ANGPTL4: variants seen among roughly 807,000 people sequenced by gnomAD.
ANGPTL4 encodes the protein angiopoietin like 4.
In ANGPTL4, 39 loss-of-function variants were observed where a neutral mutation model predicts 39.2. The observed-to-expected ratio is 1.00, with a 90% confidence interval of 0.77 to 1.30. The LOEUF (loss-of-function observed/expected upper bound fraction) is 1.30, where lower values mean the gene tolerates loss of function less well. Ranked by LOEUF, ANGPTL4 falls within the 50% of genes most tolerant of loss-of-function variation. The pLI is 0.00. For missense variants in ANGPTL4, 545 were observed against 549.8 expected (o/e 0.99, Z 0.09); for synonymous variants, 233 against 229.5 (o/e 1.02, Z -0.14).
At chr19:8,366,525 C>T (rs974624626) in intron 3 of ANGPTL4, among the ~76,000 whole-genome samples, 1 of 152,212 alleles carries the variant, frequency 6.6e-6, no homozygotes, top group Non-Finnish European at 1.5e-5. Context: ...CAACCCTTCT[C>T]CTCTGCAAGC....
chr19:8,364,373 G>A lies in ANGPTL4; in HGVS notation c.52G>A (p.Ala18Thr), dbSNP rs1347337468. Residue 18 changes from alanine (A) to threonine (T), a missense_variant, in exon 1 of 7, where the codon GCC becomes ACC. By Grantham distance (58) the Ala-to-Thr change is moderately conservative. Coordinates refer to ENST00000301455, the MANE Select transcript of ANGPTL4 (RefSeq NM_139314.3). ...AGCCCTGATGCTCTGCGCCGCCACCGCCGTGCTACTGAGCGCTCAGGGCGG... is the reference window on the plus strand; with the variant it reads ...AGCCCTGATGCTCTGCGCCGCCACCACCGTGCTACTGAGCGCTCAGGGCGG... ...GAALMLCAAT[A>T]VLLSAQGGPV... 1 of 1,547,536 alleles carries A rather than the reference G, an allele frequency of 6.5e-7. No individual in the cohort carries two copies. The highest frequency in any genetic ancestry group is 8.7e-7 in the Non-Finnish European group (1 of 1,150,266).
At chr19:8,366,725 T>C (rs1971013910) in intron 3 of ANGPTL4, among the ~76,000 whole-genome samples, 1 of 151,896 alleles carries the variant, frequency 6.6e-6, no homozygotes, top group Admixed American at 6.6e-5. Flanking sequence ...TGTTTGTAGA[T>C]TTGGGCCCTC....
In ANGPTL4 at chr19:8,364,304, C is replaced by T; in HGVS notation, c.-18C>T. ...CCCCGAGAGTCCCCGAATCCCCGCT[C>T]CCAGGCTACCTAAGAGGATGAGCGG... On this transcript the variant is annotated 5_prime_UTR_variant, in exon 1 of 7. Coordinates refer to ENST00000301455, the MANE Select transcript of ANGPTL4 (RefSeq NM_139314.3). 2.6e-6 allele frequency: 4 copies of T among 1,535,846 alleles called. No homozygotes were observed. Among genetic ancestry groups the T allele is most frequent in the Non-Finnish European group, 3.5e-6 (4 of 1,144,782 alleles).
intron 3 of ANGPTL4, among the ~76,000 whole-genome samples, chr19:8,367,819 CATTT>C (rs201051543): frequency 0.021 from 3,162 of 152,250 alleles, 77 homozygotes; most frequent in African/African-American, 0.067. Flanking sequence ...TTCATTCATT[CATTT>C]GTCAAGACTG....
In ANGPTL4 at chr19:8,374,020, C is replaced by G; in HGVS notation, c.*134C>G. On this transcript the variant is annotated 3_prime_UTR_variant, in exon 7 of 7. Coordinates refer to ENST00000301455, the MANE Select transcript of ANGPTL4 (RefSeq NM_139314.3). Reference sequence around the variant, plus strand: ...GGAAACTTGTGGACAGAGAAGAAGACCACGACTGGAGAAGCCCCCTTTCTG... The same window carrying G: ...GGAAACTTGTGGACAGAGAAGAAGAGCACGACTGGAGAAGCCCCCTTTCTG... 1 of 975,608 alleles carries G rather than the reference C, an allele frequency of 1.0e-6. No individual in the cohort carries two copies. 60.4% of individuals were successfully genotyped at this position (975,608 alleles called of 1,614,324 possible). A position where few individuals can be genotyped will look rare whatever the true frequency, so the allele number is the denominator to read the frequency against.
At chr19:8,366,997 T>C (rs1971019805) in intron 3 of ANGPTL4, among the ~76,000 whole-genome samples, 1 of 151,810 alleles carries the variant, frequency 6.6e-6, no homozygotes. Flanking sequence ...GTGTGTCCGA[T>C]GCAGACTCGC....
chr19:8,369,991 T>G (rs1460556665), intron 4 of ANGPTL4, among the ~76,000 whole-genome samples: 3 of 150,780 alleles, frequency 2.0e-5, no homozygotes, highest in Non-Finnish European at 4.4e-5. Context: ...GATCACGAGG[T>G]CAGGAGTTCG....
Position 8,371,979 on chromosome 19 carries a change from C to T in ANGPTL4, c.1039+457C>T, listed in dbSNP as rs1039495013. On this transcript the variant is annotated intron_variant, in intron 6 of 6. Coordinates refer to ENST00000301455, the MANE Select transcript of ANGPTL4 (RefSeq NM_139314.3). This position sits in a 1 kb window ranked among gnomAD's most constrained non-coding sequence, Gnocchi z 5.1. ...TTCACCGTGTTAGCCAGGATGGTCTCGATCTCCTGACCTCGTGATCTGCCT... is the reference window on the plus strand; with the variant it reads ...TTCACCGTGTTAGCCAGGATGGTCTTGATCTCCTGACCTCGTGATCTGCCT... Among the ~76,000 whole-genome samples, 22 of 151,738 alleles carry T rather than the reference C, an allele frequency of 1.4e-4. No homozygotes were observed. The highest frequency in any genetic ancestry group is 5.1e-4 in the African/African-American group (21 of 41,362).
chr19:8,369,363 C>CTCCCCATAG, intron 4 of ANGPTL4, 31 bp downstream of exon 4: 1 of 1,496,808 alleles, frequency 6.7e-7, no homozygotes, highest in Non-Finnish European at 9.2e-7. Context: ...AGGGGCCCCT[C>CTCCCCATAG]TCCCCATAGG....
intron 3 of ANGPTL4, 81 bp downstream of exon 3, chr19:8,366,400 C>G (rs1971007909): frequency 6.9e-7 from 1 of 1,452,878 alleles, no homozygotes; most frequent in East Asian, 2.3e-5. Flanking sequence ...CTTGTCAGGT[C>G]CACCTTAAGG....
At chr19:8,368,257 G>C (rs1971046653) in intron 3 of ANGPTL4, among the ~76,000 whole-genome samples, 1 of 151,816 alleles carries the variant, frequency 6.6e-6, no homozygotes, top group South Asian at 2.1e-4. Flanking sequence ...TGACCGATCC[G>C]CCCGCCTCCC....
At chr19:8,364,884 C>A (rs1021200456) in intron 1 of ANGPTL4, among the ~76,000 whole-genome samples, 1,660 of 142,854 alleles carry the variant, frequency 0.012, 30 homozygotes, top group African/African-American at 0.041. Flanking sequence ...CACACACACA[C>A]AAAATAAATA....
intron 4 of ANGPTL4, among the ~76,000 whole-genome samples, chr19:8,369,591 C>T (rs1971075394): frequency 1.3e-5 from 2 of 151,334 alleles, no homozygotes; most frequent in South Asian, 4.2e-4. Flanking sequence ...GTAGCTGAGA[C>T]TACAGGTGCG....
At chr19:8,365,479 A>AAAT (rs931704016) in intron 1 of ANGPTL4, among the ~76,000 whole-genome samples, 3 of 150,458 alleles carry the variant, frequency 2.0e-5, no homozygotes, top group Non-Finnish European at 4.4e-5. Context: ...CTCCATCTCA[A>AAAT]AATAATAATA....
At chr19:8,373,060 G>A (rs1243445059) in intron 6 of ANGPTL4, among the ~76,000 whole-genome samples, 6 of 152,144 alleles carry the variant, frequency 3.9e-5, no homozygotes, top group Admixed American at 2.6e-4. Flanking sequence ...CCTGAGGTCA[G>A]GAGTTCAAAA....
chr19:8,372,317 C>T (rs988457221), intron 6 of ANGPTL4, among the ~76,000 whole-genome samples: 2 of 151,996 alleles, frequency 1.3e-5, no homozygotes, highest in Non-Finnish European at 2.9e-5. Context: ...CCTCGGCCTC[C>T]CAAAGTGTTG....
At chr19:8,369,671 CT>C in intron 4 of ANGPTL4, among the ~76,000 whole-genome samples, 1 of 151,756 alleles carries the variant, frequency 6.6e-6, no homozygotes, top group African/African-American at 2.4e-5. Flanking sequence ...TCTGGCTGGT[CT>C]CAAACTCCTG....
chr19:8,366,126 GGT>G, intron 2 of ANGPTL4, 62 bp downstream of exon 2: 1 of 1,607,508 alleles, frequency 6.2e-7, no homozygotes, highest in Non-Finnish European at 8.5e-7. Flanking sequence ...TTGAGAGGGA[GGT>G]GGTGAGAACT....
At chr19:8,365,244 G>A (rs973235529) in intron 1 of ANGPTL4, among the ~76,000 whole-genome samples, 3 of 152,008 alleles carry the variant, frequency 2.0e-5, no homozygotes, top group Admixed American at 6.6e-5. Context: ...TTGGGAGGGC[G>A]AGGCCAGTGG....
Sources: gnomAD v4.1 joint callset for allele counts (sites outside exome capture counted in the v4.1 genomes callset) on GRCh38, gnomAD v4.1.1 for gene constraint, Gnocchi (gnomAD v3.1) non-coding constraint, MANE v1.5 for transcripts, NCBI Gene and HGNC (gene_info 2026-07-23, HGNC 2026-07-21) for gene names.